Variants in CSMD3 observed in about 807,000 individuals in gnomAD.
CSMD3 encodes CUB and sushi domain-containing protein 3.
In CSMD3, 177 loss-of-function variants were observed where a neutral mutation model predicts 435.2. That is an observed-to-expected ratio of 0.41 (90% confidence interval 0.36 to 0.46). CSMD3 has a LOEUF of 0.46. Among genes scored for constraint, CSMD3 ranks in the 20% least tolerant of loss-of-function variants. CSMD3 has a pLI of 0.34. For synonymous variants in CSMD3, 1,656 were observed against 1,520.5 expected, an observed-to-expected ratio of 1.09 and a Z score of -2.07; for missense variants, 4,265 against 4,504.6, an observed-to-expected ratio of 0.95 and a Z score of 1.52.
At chr8:112,677,125 T>G (rs1045912366) in intron 16 of CSMD3, among the ~76,000 whole-genome samples, 1 of 151,734 alleles carries the variant, frequency 6.6e-6, no homozygotes, top group Non-Finnish European at 1.5e-5. Flanking sequence ...TACAGTGGAG[T>G]GGATTTTCTG....
In CSMD3 at chr8:112,223,007, T is replaced by C. The variant is rs1812289224; in HGVS notation, c.*1764A>G. On this transcript the variant is annotated 3_prime_UTR_variant, in exon 71 of 71. Coordinates refer to ENST00000297405, the MANE Select transcript of CSMD3 (RefSeq NM_198123.2). Reference sequence around the variant, plus strand: ...CATCATACTTTTACAAAGTTTCTTTTCATAAAAATATACTTCTTTACAAAA... The same window carrying C: ...CATCATACTTTTACAAAGTTTCTTTCCATAAAAATATACTTCTTTACAAAA... The C allele has an allele frequency of 7.5e-6, 3 of 398,132 alleles. No individual in the cohort carries two copies. The highest frequency in any genetic ancestry group is 1.3e-5 in the Non-Finnish European group (3 of 225,530). The allele number at this position is 398,132 out of a possible 1,614,324, so 24.7% of individuals were successfully genotyped here. A position where few individuals can be genotyped will look rare whatever the true frequency, so the allele number is the denominator to read the frequency against.
At chr8:113,275,654 AAAAAG>A (rs1296943765) in intron 3 of CSMD3, among the ~76,000 whole-genome samples, 4 of 151,996 alleles carry the variant, frequency 2.6e-5, no homozygotes, top group African/African-American at 9.7e-5. Context: ...AGGATGAAAT[AAAAAG>A]AAATGAGATT....
intron 10 of CSMD3, among the ~76,000 whole-genome samples, chr8:112,918,059 AC>A (rs371146533): frequency 5.3e-5 from 8 of 152,088 alleles, no homozygotes; most frequent in African/African-American, 1.7e-4. Flanking sequence ...TAACTTGTAA[AC>A]AAGTCTATTA....
intron 1 of CSMD3, among the ~76,000 whole-genome samples, chr8:113,386,107 G>A (rs888611638): frequency 1.3e-5 from 2 of 151,950 alleles, no homozygotes; most frequent in Admixed American, 6.6e-5. Context: ...AAGAAATATT[G>A]TGCCAAAAAT....
intron 12 of CSMD3, among the ~76,000 whole-genome samples, chr8:112,820,539 T>C (rs1371705597): frequency 1.3e-5 from 2 of 152,010 alleles, no homozygotes; most frequent in Middle Eastern, 3.4e-3. Flanking sequence ...ATAGAACTGA[T>C]TAAAAAAAAA....
At chr8:112,339,879 T>G (rs1332042687) in intron 42 of CSMD3, among the ~76,000 whole-genome samples, 1 of 152,202 alleles carries the variant, frequency 6.6e-6, no homozygotes, top group African/African-American at 2.4e-5. Flanking sequence ...TCAGTGTGAT[T>G]CACAACATCT....
chr8:112,937,234 AT>A (rs1159133824), intron 9 of CSMD3, among the ~76,000 whole-genome samples: 11 of 151,568 alleles, frequency 7.3e-5, no homozygotes, highest in South Asian at 2.1e-4. Context: ...CTTGAAATAT[AT>A]TTTTTTTGTA....
intron 57 of CSMD3, among the ~76,000 whole-genome samples, chr8:112,288,454 T>A (rs1819433298): frequency 6.6e-6 from 1 of 152,096 alleles, no homozygotes; most frequent in Non-Finnish European, 1.5e-5. Flanking sequence ...TTCATAGGGA[T>A]TAATCACTAG....
intron 45 of CSMD3, among the ~76,000 whole-genome samples, chr8:112,329,516 T>C (rs963123272): frequency 6.6e-6 from 1 of 152,158 alleles, no homozygotes; most frequent in African/African-American, 2.4e-5. Flanking sequence ...TTATGTTTCC[T>C]TGAACCCTTC....
intron 22 of CSMD3, among the ~76,000 whole-genome samples, chr8:112,611,967 A>G (rs536951462): frequency 9.2e-5 from 14 of 152,168 alleles, no homozygotes; most frequent in Non-Finnish European, 2.1e-4. Context: ...AGTAAGAAGA[A>G]TTAAACAAAT....
intron 13 of CSMD3, among the ~76,000 whole-genome samples, chr8:112,787,199 T>C (rs941958963): frequency 6.6e-6 from 1 of 152,192 alleles, no homozygotes; most frequent in Non-Finnish European, 1.5e-5. Context: ...AACATATGTG[T>C]GCATGTGTCT....
At chr8:113,063,747 C>G (rs1336879979) in intron 5 of CSMD3, among the ~76,000 whole-genome samples, 1 of 151,798 alleles carries the variant, frequency 6.6e-6, no homozygotes, top group African/African-American at 2.4e-5. Flanking sequence ...TGAAGATATC[C>G]TATCTACTTC....
At chr8:112,334,961 G>A (rs549590363) in intron 45 of CSMD3, among the ~76,000 whole-genome samples, 17 of 152,162 alleles carry the variant, frequency 1.1e-4, no homozygotes, top group Non-Finnish European at 2.2e-4. Context: ...AAGAGTCACA[G>A]CAGGTTGAAT....
intron 49 of CSMD3, among the ~76,000 whole-genome samples, chr8:112,311,647 T>C (rs980147419): frequency 6.6e-6 from 1 of 152,170 alleles, no homozygotes; most frequent in African/African-American, 2.4e-5. Context: ...CCACATTCCA[T>C]AATCCTCTTT....
chr8:113,408,034 T>A (rs535021050), intron 1 of CSMD3, among the ~76,000 whole-genome samples: 52 of 152,226 alleles, frequency 3.4e-4, no homozygotes, highest in Admixed American at 1.4e-3. Flanking sequence ...TAGTTAAAAA[T>A]TTTTTTAAAC....
At chr8:113,334,827 A>C (rs2094058669) in intron 1 of CSMD3, among the ~76,000 whole-genome samples, 1 of 152,046 alleles carries the variant, frequency 6.6e-6, no homozygotes, top group African/African-American at 2.4e-5. Flanking sequence ...ATTTTGTCTT[A>C]AGTTGTCCAA....
chr8:112,255,579 C>T, intron 61 of CSMD3, 152 bp from the exon 62 acceptor site: 3 of 690,496 alleles, frequency 4.3e-6, no homozygotes, highest in Non-Finnish European at 4.9e-6. Context: ...TATTTTTTAG[C>T]TTATGTGCAG....
intron 66 of CSMD3, among the ~76,000 whole-genome samples, chr8:112,238,688 AATTTTTAAAAATTATAAATTT>A (rs2130016494): frequency 6.6e-6 from 1 of 151,224 alleles, no homozygotes; most frequent in African/African-American, 2.4e-5. Context: ...GTTTGTTAAG[AATTTTTAAAAATTATAAATTT>A]TTAAATTTAT....
intron 13 of CSMD3, among the ~76,000 whole-genome samples, chr8:112,792,410 A>C (rs1193997418): frequency 6.6e-6 from 1 of 152,088 alleles, no homozygotes; most frequent in East Asian, 1.9e-4. Context: ...AGAGAGACAG[A>C]GTGGTCTCTG....
Sources: allele counts gnomAD v4.1 joint callset (sites outside exome capture counted in the v4.1 genomes callset), GRCh38; gene constraint gnomAD v4.1.1; transcripts MANE v1.5; gene names NCBI Gene and HGNC (gene_info 2026-07-23, HGNC 2026-07-21).